Variants in ZNF81 observed in about 807,000 individuals in gnomAD.
ZNF81 encodes zinc finger protein 81 (HFZ20).
Under a neutral mutation model 32.3 loss-of-function variants are expected in ZNF81, and 5 were observed. The ratio of observed to expected loss-of-function variants is 0.15; its 90% CI spans 0.08 to 0.33. The LOEUF (loss-of-function observed/expected upper bound fraction) is 0.33. Ranked by LOEUF, ZNF81 falls within the 10% of genes least tolerant of loss-of-function variation. The pLI is 1.00. For synonymous variants in ZNF81, 163 were observed against 166.8 expected (o/e 0.98, Z 0.17); for missense variants, 379 against 479.8 (o/e 0.79, Z 1.96).
intron 2 of ZNF81, among the ~76,000 whole-genome samples, chrX:47,865,804 G>T (rs1197460663): frequency 9.0e-6 from 1 of 111,718 alleles, no homozygotes; most frequent in African/African-American, 3.3e-5. Context: ...ACAGAACATT[G>T]TGAATCCACC....
chrX:47,869,949 C>T (rs148911348), intron 2 of ZNF81, among the ~76,000 whole-genome samples: 2,648 of 111,545 alleles, frequency 0.024, 34 homozygotes, highest in Non-Finnish European at 0.038. Context: ...CCTGCCTCGG[C>T]CTCCCAAAGT....
At position 47,924,539 on chromosome X, in the gene ZNF81, C is replaced by T. The variant is rs188347431; in HGVS notation, c.*7907C>T. On this transcript the variant is annotated 3_prime_UTR_variant, in exon 5 of 5. Transcript: ENST00000338637. ...CTCTTCTTCAGGGACATCAATTATGCATATGTAAGATGTCTTTGTCACCTT... is the reference window on the plus strand; with the variant it reads ...CTCTTCTTCAGGGACATCAATTATGTATATGTAAGATGTCTTTGTCACCTT... Among the ~76,000 whole-genome samples the T allele has an allele frequency of 2.9e-3, 328 of 111,983 alleles. 3 individuals carry two copies. Among genetic ancestry groups the T allele is most frequent in the African/African-American group, 0.01 (310 of 30,857 alleles).
At position 47,922,460 on chromosome X, in the gene ZNF81, C is replaced by T. The variant is rs2058780144; in HGVS notation, c.*5828C>T. Among the ~76,000 whole-genome samples, 1 of 112,135 alleles carries T rather than the reference C, an allele frequency of 8.9e-6. No homozygotes were observed. Among genetic ancestry groups the T allele is most frequent in the South Asian group, 3.7e-4 (1 of 2,724 alleles). ...TATTTGCATTGTTAAAATTTATTCA[C>T]TCCCATTTTCAACCCTTTTTTGTCA... On this transcript the variant is annotated 3_prime_UTR_variant, in exon 5 of 5. Transcript: ENST00000338637.
At chrX:47,885,093 A>G (rs1417941856) in intron 2 of ZNF81, among the ~76,000 whole-genome samples, 3 of 112,329 alleles carry the variant, frequency 2.7e-5, no homozygotes, top group African/African-American at 9.7e-5. Context: ...CAGCATTTTA[A>G]AAGTACCATC....
intron 4 of ZNF81, among the ~76,000 whole-genome samples, chrX:47,911,789 A>C (rs1556889972): frequency 8.9e-6 from 1 of 111,990 alleles, no homozygotes; most frequent in African/African-American, 3.2e-5. Context: ...TCAGAAGAAA[A>C]AAACTTACTA....
chrX:47,855,166 AT>A (rs2058511563), intron 2 of ZNF81, among the ~76,000 whole-genome samples: 2 of 105,119 alleles, frequency 1.9e-5, no homozygotes, highest in African/African-American at 6.8e-5. Context: ...AAATAAATAA[AT>A]TAATTAATTA....
chrX:47,872,432 G>A (rs781912146), intron 2 of ZNF81, among the ~76,000 whole-genome samples: 3 of 111,561 alleles, frequency 2.7e-5, no homozygotes, highest in East Asian at 5.6e-4. Flanking sequence ...TGAGTGGCTC[G>A]AGAAAAAGAG....
At chrX:47,897,195 A>G (rs1556887341) in intron 4 of ZNF81, among the ~76,000 whole-genome samples, 1 of 112,524 alleles carries the variant, frequency 8.9e-6, no homozygotes, top group African/African-American at 3.2e-5. Context: ...CCCAGCAGCA[A>G]TACATAAGGA....
At chrX:47,909,774 A>G (rs1485012144) in intron 4 of ZNF81, among the ~76,000 whole-genome samples, 1 of 75,490 alleles carries the variant, frequency 1.3e-5, no homozygotes, top group African/African-American at 5.0e-5. Flanking sequence ...CAACCCCACA[A>G]CAGTCCCCAG....
chrX:47,839,284 A>G (rs1556879441), intron 1 of ZNF81, among the ~76,000 whole-genome samples: 1 of 112,053 alleles, frequency 8.9e-6, no homozygotes, highest in Non-Finnish European at 1.9e-5. Flanking sequence ...CATGGCTTCA[A>G]TGTCTGTAAT....
intron 4 of ZNF81, among the ~76,000 whole-genome samples, chrX:47,905,178 T>C (rs1402048472): frequency 2.8e-5 from 3 of 107,966 alleles, no homozygotes; most frequent in Non-Finnish European, 5.7e-5. Flanking sequence ...CAAACCTGCA[T>C]GTTGTGCACA....
chrX:47,862,884 T>C (rs1443745945), intron 2 of ZNF81, among the ~76,000 whole-genome samples: 1 of 111,662 alleles, frequency 9.0e-6, no homozygotes, highest in Admixed American at 9.5e-5. Flanking sequence ...GAAGTCCTAG[T>C]CAGCTGAACA....
intron 4 of ZNF81, among the ~76,000 whole-genome samples, chrX:47,905,834 G>T (rs1397781962): frequency 8.9e-6 from 1 of 112,529 alleles, no homozygotes; most frequent in Non-Finnish European, 1.9e-5. Context: ...AGGAGATCCT[G>T]ATTTCTCAAA....
intron 3 of ZNF81, among the ~76,000 whole-genome samples, chrX:47,892,656 C>T (rs1223974517): frequency 4.5e-5 from 5 of 112,355 alleles, no homozygotes; most frequent in Non-Finnish European, 9.4e-5. Context: ...GCTTAGTGGG[C>T]CCATACCAAT....
chrX:47,899,291 T>TC (rs1285387649), intron 4 of ZNF81, among the ~76,000 whole-genome samples: 1 of 4,798 alleles, frequency 2.1e-4, no homozygotes, highest in Non-Finnish European at 7.4e-3. Flanking sequence ...TGTTTCATAG[T>TC]TTTTTTTTTT....
chrX:47,894,055 C>T (rs782595340), intron 3 of ZNF81, among the ~76,000 whole-genome samples: 46 of 111,825 alleles, frequency 4.1e-4, no homozygotes, highest in Non-Finnish European at 6.6e-4. Context: ...AGATTTTATT[C>T]AGAACTATTA....
rs782389249 is a variant in ZNF81, at chrX:47,896,158, G to A, written c.277+218G>A. Among the ~76,000 whole-genome samples, 6 of 111,310 alleles carry A rather than the reference G, an allele frequency of 5.4e-5. No homozygotes were observed. In the South Asian group the frequency reaches 2.3e-3, roughly 42 times the overall value. On this transcript the variant is annotated intron_variant, in intron 4 of 4. Transcript: ENST00000338637. ...TTCTTTGCTTGGCTTTCTTCCAGGA[G>A]AATTGCCCCAATTCCTATACTCTGG...
At chrX:47,904,164 G>A (rs782272616) in intron 4 of ZNF81, among the ~76,000 whole-genome samples, 2 of 112,111 alleles carry the variant, frequency 1.8e-5, no homozygotes, top group South Asian at 7.4e-4. Context: ...AGGACTTCAT[G>A]TCTAAAACAC....
At position 47,916,418 on chromosome X, in the gene ZNF81, T is replaced by A; in HGVS notation, c.1772T>A (p.Phe591Tyr). 1 of 1,211,247 alleles carries A rather than the reference T, an allele frequency of 8.3e-7. No homozygotes were observed. The highest frequency in any genetic ancestry group is 1.1e-6 in the Non-Finnish European group (1 of 895,362). The change falls in exon 5 of 5, where the codon TTC becomes TAC. Residue 591 changes from phenylalanine (F) to tyrosine (Y), a missense_variant. Physicochemically the swap from Phe to Tyr is conservative, Grantham distance 22. This residue lies in a region of ZNF81 where 102 missense variants were observed against 173.2 expected (regional missense o/e 0.59). Coordinates refer to ENST00000338637, the MANE Select transcript of ZNF81 (RefSeq NM_007137.5). ...PYKCPDCEKS[F>Y]SKKPHLKVHQ... ...AAATGTCCTGACTGTGAGAAATCCTTCTCCAAGAAACCACATCTCAAAGTA... is the reference window on the plus strand; with the variant it reads ...AAATGTCCTGACTGTGAGAAATCCTACTCCAAGAAACCACATCTCAAAGTA...
Sources: gnomAD v4.1 joint callset for allele counts (sites outside exome capture counted in the v4.1 genomes callset) on GRCh38, gnomAD v4.1.1 for gene constraint, gnomAD v4.1.1 regional missense constraint, MANE v1.5 for transcripts, NCBI Gene and HGNC (gene_info 2026-07-23, HGNC 2026-07-21) for gene names.